Variants in ABRA observed in about 807,000 individuals in gnomAD.
The protein encoded by ABRA is actin binding Rho activating protein, also known as actin-binding Rho-activating protein.
A neutral mutation model predicts 33.4 loss-of-function variants in ABRA; 25 were observed. The ratio of observed to expected loss-of-function variants is 0.75; its 90% CI spans 0.55 to 1.04. The LOEUF (loss-of-function observed/expected upper bound fraction) is 1.04, where lower values mean the gene tolerates loss of function less well. ABRA is among the 50% of genes least tolerant of loss of function. ABRA has a pLI of 0.00. For synonymous variants in ABRA, 193 were observed against 176.8 expected (o/e 1.09, Z -0.73); for missense variants, 501 against 491.7 (o/e 1.02, Z -0.18).
Position 106,760,468 on chromosome 8 carries a change from A to T in ABRA, c.*569T>A, listed in dbSNP as rs1381770988. 6.6e-6 allele frequency: 1 copy of T among 152,220 alleles called. No individual in the cohort carries two copies. The highest frequency in any genetic ancestry group is 6.5e-5 in the Admixed American group (1 of 15,288). 9.4% of individuals were successfully genotyped at this position (152,220 alleles called of 1,614,324 possible). Reference sequence around the variant, plus strand: ...AATACAAAGTCAAGCTTCTGAAAAAATTTTAAGTTTAGTTTTACCAAACTT... The same window carrying T: ...AATACAAAGTCAAGCTTCTGAAAAATTTTTAAGTTTAGTTTTACCAAACTT... On this transcript the variant is annotated 3_prime_UTR_variant, in exon 2 of 2. Coordinates refer to ENST00000311955, the MANE Select transcript of ABRA (RefSeq NM_139166.5).
chr8:106,762,445 A>G (rs1271978725), intron 1 of ABRA, among the ~76,000 whole-genome samples: 2 of 152,226 alleles, frequency 1.3e-5, no homozygotes, highest in Non-Finnish European at 2.9e-5. Context: ...TTAAATGTGT[A>G]TATCTTTGGA....
intron 1 of ABRA, 22 bp from the exon 2 acceptor site, chr8:106,761,536 C>T: frequency 1.9e-6 from 3 of 1,586,330 alleles, no homozygotes; most frequent in Non-Finnish European, 2.6e-6. Context: ...AGAGGGTGAA[C>T]AATCAAGATT....
intron 1 of ABRA, among the ~76,000 whole-genome samples, 197 bp downstream of exon 1, chr8:106,769,326 A>G (rs1476908721): frequency 2.0e-5 from 3 of 152,160 alleles, no homozygotes; most frequent in Admixed American, 1.3e-4. Flanking sequence ...GCAGGCCCTG[A>G]CCAAAAGGTC....
At chr8:106,766,548 T>G (rs943114216) in intron 1 of ABRA, among the ~76,000 whole-genome samples, 1 of 152,218 alleles carries the variant, frequency 6.6e-6, no homozygotes, top group African/African-American at 2.4e-5. Flanking sequence ...CCCATGAGGC[T>G]TCTGCTGAAG....
intron 1 of ABRA, among the ~76,000 whole-genome samples, chr8:106,762,058 T>G (rs185811714): frequency 1.3e-5 from 2 of 152,202 alleles, no homozygotes; most frequent in African/African-American, 4.8e-5. Flanking sequence ...GTTGTACAGA[T>G]AGAAAACACT....
rs113926734 is a variant in ABRA at position 106,769,856 on chromosome 8, G to A, written c.335C>T (p.Thr112Met). The A allele has an allele frequency of 7.6e-5, 123 of 1,614,094 alleles. No homozygotes were observed. The highest frequency in any genetic ancestry group is 4.4e-4 in the African/African-American group (33 of 75,016). Reference sequence around the variant, plus strand: ...TCTCTCATAAGTCTTGCTGACCACCGTTTTGGACACCTCTTTCTTTTTGAT... The same window carrying A: ...TCTCTCATAAGTCTTGCTGACCACCATTTTGGACACCTCTTTCTTTTTGAT... ...SHIKKKEVSKTVVSKTYERGG... is the reference protein window; with the variant it reads ...SHIKKKEVSKMVVSKTYERGG... The change falls in exon 1 of 2, where the codon ACG becomes ATG. Residue 112 changes from threonine to methionine, a missense_variant. Physicochemically the swap from Thr to Met is moderately conservative, Grantham distance 81. Transcript: ENST00000311955.
At chr8:106,769,110 A>C (rs1332870500) in intron 1 of ABRA, among the ~76,000 whole-genome samples, 1 of 152,208 alleles carries the variant, frequency 6.6e-6, no homozygotes, top group Admixed American at 6.5e-5. Flanking sequence ...TGATAATAGC[A>C]TAGACATTTG....
At chr8:106,765,987 T>C (rs1836214250) in intron 1 of ABRA, among the ~76,000 whole-genome samples, 1 of 152,170 alleles carries the variant, frequency 6.6e-6, no homozygotes, top group South Asian at 2.1e-4. Context: ...CCCAACTTCA[T>C]CCCTTCCTCG....
rs1313580086 is a variant in ABRA, at chr8:106,761,207, C to G, written c.976G>C (p.Asp326His). Residue 326 changes from aspartate (D) to histidine (H), a missense_variant, in exon 2 of 2, where the codon GAT (aspartate) becomes CAT (histidine). Physicochemically the swap from Asp to His is moderately conservative, Grantham distance 81. Transcript: ENST00000311955. ...IICTMARHRR[D>H]GKIQVTFGDL... is the part of the protein sequence containing the mutation. Reference sequence around the variant, plus strand: ...CCAAAAGTAACCTGGATCTTGCCATCTCGTCTGTGGCGAGCCATTGTGCAG... The same window carrying G: ...CCAAAAGTAACCTGGATCTTGCCATGTCGTCTGTGGCGAGCCATTGTGCAG... 1 of 1,614,234 alleles carries G rather than the reference C, an allele frequency of 6.2e-7. No homozygotes were observed. Among genetic ancestry groups the G allele is most frequent in the African/African-American group, 1.3e-5 (1 of 75,082 alleles).
At chr8:106,762,389 C>T (rs1401095981) in intron 1 of ABRA, among the ~76,000 whole-genome samples, 1 of 152,166 alleles carries the variant, frequency 6.6e-6, no homozygotes, top group Non-Finnish European at 1.5e-5. Flanking sequence ...GTAGTGATGC[C>T]ACTCAGCAGG....
chr8:106,761,470 T>A lies in ABRA; in HGVS notation c.713A>T (p.Lys238Ile), dbSNP rs779345807. 1.2e-6 allele frequency: 2 copies of A among 1,614,182 alleles called. No homozygotes were observed. The highest frequency in any genetic ancestry group is 3.3e-5 in the Admixed American group (2 of 60,024). The change falls in exon 2 of 2, where the codon AAA becomes ATA. Residue 238 changes from lysine to isoleucine, a missense_variant. Coordinates refer to ENST00000311955, the MANE Select transcript of ABRA (RefSeq NM_139166.5). ...TTTCAAGTTGCCCACTGGGCTATAT[T>A]TCTGTTGGGCTTTGCAGTTGAGTTT... ...TEKLNCKAQQ[K>I]YSPVGNLKGR...
At chr8:106,763,117 C>T (rs1027620222) in intron 1 of ABRA, among the ~76,000 whole-genome samples, 6 of 152,176 alleles carry the variant, frequency 3.9e-5, no homozygotes, top group African/African-American at 1.4e-4. Context: ...TTTGGGTATC[C>T]CTCACCATCC....
chr8:106,763,782 T>C (rs1181657472), intron 1 of ABRA, among the ~76,000 whole-genome samples: 2 of 152,178 alleles, frequency 1.3e-5, no homozygotes, highest in African/African-American at 4.8e-5. Flanking sequence ...AAGTGAATGG[T>C]GTGATTTATT....
At chr8:106,761,575 C>G (rs567583390) in intron 1 of ABRA, 61 bp from the exon 2 acceptor site, 1 of 1,380,256 alleles carries the variant, frequency 7.2e-7, no homozygotes, top group South Asian at 1.4e-5. Context: ...GTGTTGTTTT[C>G]CCTTTGTACT....
In ABRA at chr8:106,759,501, ATTC is replaced by A. The variant is rs1351924197; in HGVS notation, c.*1533_*1535del. On this transcript the variant is annotated 3_prime_UTR_variant, in exon 2 of 2. Transcript: ENST00000311955. ...CAGAAAATACAAGAAAACATCTTTT[ATTC>A]TTATGCTATTTGTCTTTAACATTTG... 6.6e-6 allele frequency: 1 copy of A among 152,234 alleles called. No homozygotes were observed. The highest frequency in any genetic ancestry group is 1.5e-5 in the Non-Finnish European group (1 of 68,038). The allele number at this position is 152,234 out of a possible 1,614,324, so 9.4% of individuals were successfully genotyped here. A position where few individuals can be genotyped will look rare whatever the true frequency, so the allele number is the denominator to read the frequency against.
chr8:106,762,802 C>A (rs59316573), intron 1 of ABRA, among the ~76,000 whole-genome samples: 3 of 152,074 alleles, frequency 2.0e-5, no homozygotes, highest in Non-Finnish European at 4.4e-5. Context: ...CTATCCTGCA[C>A]GTGTATCCCA....
In ABRA at chr8:106,761,319, G is replaced by A. The variant is rs776357974; in HGVS notation, c.864C>T (p.Arg288=). The A allele has an allele frequency of 4.3e-6, 7 of 1,614,034 alleles. No individual in the cohort carries two copies. Among genetic ancestry groups the A allele is most frequent in the Admixed American group, 1.7e-5 (1 of 59,990 alleles). The change falls in exon 2 of 2, where the codon CGC becomes CGT. Residue 288 remains arginine, a synonymous_variant. Transcript: ENST00000311955. ...RLHKGDEGYG[R]PKEGTKTAER... is the part of the protein sequence containing the mutation. ...CAGCAGTTTTGGTTCCTTCTTTGGG[G>A]CGGCCATAGCCCTCATCTCCTTTGT...
At chr8:106,769,162 C>A (rs1305467721) in intron 1 of ABRA, among the ~76,000 whole-genome samples, 1 of 152,200 alleles carries the variant, frequency 6.6e-6, no homozygotes, top group Non-Finnish European at 1.5e-5. Flanking sequence ...TCAGAAACCA[C>A]TCTTATCTCT....
At position 106,769,647 on chromosome 8, in the gene ABRA, G is replaced by A; in HGVS notation, c.544C>T (p.Pro182Ser). Reference protein sequence around the residue: ...KGWRVMEQEEPTWRSDSVDTE... With the variant: ...KGWRVMEQEESTWRSDSVDTE... ...TCTACGCTGTCACTCCTCCATGTGG[G>A]CTCCTCCTGCTCCATCACTCTCCAG... The change falls in exon 1 of 2, where the codon CCC becomes TCC. Residue 182 changes from proline (P) to serine (S), a missense_variant. Transcript: ENST00000311955. The A allele has an allele frequency of 6.2e-7, 1 of 1,614,100 alleles. No individual in the cohort carries two copies. The highest frequency in any genetic ancestry group is 1.1e-5 in the South Asian group (1 of 91,080).
Sources: allele counts gnomAD v4.1 joint callset (sites outside exome capture counted in the v4.1 genomes callset), GRCh38; gene constraint gnomAD v4.1.1; transcripts MANE v1.5; gene names NCBI Gene and HGNC (gene_info 2026-07-23, HGNC 2026-07-21).